DLG1: variants seen among roughly 807,000 people sequenced by gnomAD.
DLG1 encodes the protein discs large MAGUK scaffold protein 1, also known as disks large homolog 1.
A neutral mutation model predicts 123.4 loss-of-function variants in DLG1; 42 were observed. The observed-to-expected ratio is 0.34, with a 90% CI of 0.27 to 0.44. The LOEUF is 0.44. Among genes scored for constraint, DLG1 ranks in the 20% least tolerant of loss-of-function variants. The probability of loss-of-function intolerance (pLI) is 1.00; values close to 1 mark genes in which losing one functional copy is unlikely to be tolerated. For missense variants in DLG1, 942 were observed against 1,082.6 expected, an observed-to-expected ratio of 0.87 and a Z score of 1.82; for synonymous variants, 317 against 356.2, an observed-to-expected ratio of 0.89 and a Z score of 1.24.
At chr3:197,116,204 A>G in intron 12 of DLG1, 121 bp from the exon 13 acceptor site, 1 of 738,958 alleles carries the variant, frequency 1.4e-6, no homozygotes, top group Non-Finnish European at 2.1e-6. Flanking sequence ...TAGACAAAAT[A>G]TAAATGGTTT....
rs538857674 is a variant in DLG1 at position 197,229,500 on chromosome 3, G to A, written c.319-34911C>T. ...AGTCCTAGACAGTGAAGTTATATAT[G>A]TTAACCTGTAGCTTTTTATTCAATA... On this transcript the variant is annotated intron_variant, in intron 4 of 24. Transcript: ENST00000667157. Among the ~76,000 whole-genome samples the A allele has an allele frequency of 7.6e-5, 11 of 145,378 alleles. No homozygotes were observed. The East Asian group carries it at 1.8e-3, about 24-fold the overall frequency.
rs376383760 is a variant in DLG1, at chr3:197,153,430, A to G, written c.484-3634T>C. ...GCTTAGCACAGCAGCAGCTCCCCAC[A>G]CTCTATCCCTCAGTCAACTGTGTAC... On this transcript the variant is annotated intron_variant, in intron 5 of 24. Coordinates refer to ENST00000667157, the MANE Select transcript of DLG1 (RefSeq NM_001366207.1). Among the ~76,000 whole-genome samples, 216 of 152,184 alleles carry G rather than the reference A, an allele frequency of 1.4e-3. 2 individuals are homozygous for G. Among genetic ancestry groups the G allele is most frequent in the African/African-American group, 4.9e-3 (202 of 41,512 alleles).
chr3:197,213,919 G>C (rs999962552), intron 4 of DLG1, among the ~76,000 whole-genome samples: 17 of 152,182 alleles, frequency 1.1e-4, no homozygotes, highest in African/African-American at 4.1e-4. Context: ...TGAATTAAAA[G>C]TCATGAGAGG....
chr3:197,297,599 G>A, intron 1 of DLG1: 1 of 1,018,602 alleles, frequency 9.8e-7, no homozygotes, highest in Non-Finnish European at 1.2e-6. Context: ...TGAGCCAGCA[G>A]CGGCCGCAGA....
At chr3:197,099,569 G>A (rs903302553) in intron 14 of DLG1, among the ~76,000 whole-genome samples, 1 of 152,080 alleles carries the variant, frequency 6.6e-6, no homozygotes, top group Admixed American at 6.5e-5. Flanking sequence ...GTATGTATAC[G>A]CTTATACAAG....
At chr3:197,263,797 GA>G (rs968159734) in intron 4 of DLG1, among the ~76,000 whole-genome samples, 1 of 151,608 alleles carries the variant, frequency 6.6e-6, no homozygotes, top group African/African-American at 2.4e-5. Context: ...AAAAGAAAAA[GA>G]AAAAAAAGAA....
intron 4 of DLG1, among the ~76,000 whole-genome samples, chr3:197,270,113 G>C (rs1763303045): frequency 6.6e-6 from 1 of 152,094 alleles, no homozygotes. Context: ...CCTAGGAATA[G>C]AAAAATGGAA....
intron 4 of DLG1, among the ~76,000 whole-genome samples, chr3:197,255,544 T>C (rs528651843): frequency 6.6e-6 from 1 of 152,178 alleles, no homozygotes; most frequent in African/African-American, 2.4e-5. Context: ...AATTAGTGGA[T>C]ATGTACACAA....
At chr3:197,274,568 AGT>A (rs1269882432) in intron 4 of DLG1, among the ~76,000 whole-genome samples, 1 of 135,644 alleles carries the variant, frequency 7.4e-6, no homozygotes, top group Non-Finnish European at 1.6e-5. Flanking sequence ...GGTCAGGGCA[AGT>A]ATTTTTTAGG....
intron 22 of DLG1, among the ~76,000 whole-genome samples, chr3:197,062,998 T>C (rs1188158571): frequency 1.3e-5 from 2 of 152,096 alleles, no homozygotes; most frequent in East Asian, 3.9e-4. Context: ...CCCTAGAATA[T>C]ATATTAGTTT....
intron 4 of DLG1, among the ~76,000 whole-genome samples, chr3:197,236,534 C>T (rs140256827): frequency 6.0e-4 from 91 of 152,262 alleles, no homozygotes; most frequent in African/African-American, 2.1e-3. Context: ...ATTTGGCTGG[C>T]CCTACATTGC....
At chr3:197,260,344 T>C in intron 4 of DLG1, 1 of 393,278 alleles carries the variant, frequency 2.5e-6, no homozygotes, top group Non-Finnish European at 5.0e-6. Context: ...AGTTGCCTAG[T>C]TGAACAAAAC....
chr3:197,163,892 G>A (rs2149928892), intron 5 of DLG1, among the ~76,000 whole-genome samples: 1 of 151,874 alleles, frequency 6.6e-6, no homozygotes, highest in East Asian at 1.9e-4. Flanking sequence ...AAAACATTAA[G>A]TGAAATTAGC....
At chr3:197,090,859 T>C (rs1757367727) in intron 15 of DLG1, 53 bp downstream of exon 15, 1 of 1,066,376 alleles carries the variant, frequency 9.4e-7, no homozygotes. Context: ...TACAAAATAA[T>C]TTACATGCAT....
chr3:197,197,877 T>C lies in DLG1; in HGVS notation c.319-3288A>G, dbSNP rs374838172. ...AGTCAATTGATTTTGGACATGTGTG[T>C]GCCAAGGGAGAAAGAATAGTTTTTT... On this transcript the variant is annotated intron_variant, in intron 4 of 24. Transcript: ENST00000667157. 2.3e-3 allele frequency among the ~76,000 whole-genome samples: 343 copies of C among 152,328 alleles called. 3 individuals are homozygous for C. Among genetic ancestry groups the C allele is most frequent in the African/African-American group, 7.7e-3 (321 of 41,566 alleles).
chr3:197,213,281 T>G (rs1217532710), intron 4 of DLG1, among the ~76,000 whole-genome samples: 1 of 151,426 alleles, frequency 6.6e-6, no homozygotes, highest in Non-Finnish European at 1.5e-5. Context: ...TCAAAAGCAT[T>G]ATTAGGAGCT....
chr3:197,154,702 G>A (rs1207536593), intron 5 of DLG1, among the ~76,000 whole-genome samples: 1 of 151,854 alleles, frequency 6.6e-6, no homozygotes, highest in East Asian at 1.9e-4. Flanking sequence ...TAAAAGATGT[G>A]AACAAAAGCA....
chr3:197,178,900 G>C (rs1808580248), intron 5 of DLG1, among the ~76,000 whole-genome samples: 1 of 152,122 alleles, frequency 6.6e-6, no homozygotes, highest in Non-Finnish European at 1.5e-5. Flanking sequence ...TGTACATCCT[G>C]ATAGGACTTA....
intron 4 of DLG1, among the ~76,000 whole-genome samples, chr3:197,243,383 T>C (rs917870759): frequency 6.6e-6 from 1 of 152,166 alleles, no homozygotes; most frequent in African/African-American, 2.4e-5. Flanking sequence ...AGAAACTGTT[T>C]GTTCCTAACA....
Sources: gnomAD v4.1 joint callset for allele counts (sites outside exome capture counted in the v4.1 genomes callset) on GRCh38, gnomAD v4.1.1 for gene constraint, MANE v1.5 for transcripts, NCBI Gene and HGNC (gene_info 2026-07-23, HGNC 2026-07-21) for gene names.